ZNRF2: variants seen among roughly 807,000 people sequenced by gnomAD.
ZNRF2 encodes zinc and ring finger 2.
ZNRF2 carries 16 observed loss-of-function variants against 20.4 expected under a neutral mutation model. That is an observed-to-expected ratio of 0.79 (90% CI 0.53 to 1.19). ZNRF2 has a LOEUF of 1.19. Ranked by LOEUF, ZNRF2 falls within the 50% of genes most tolerant of loss-of-function variation. ZNRF2 has a pLI of 0.00. For synonymous variants in ZNRF2, 178 were observed against 144.9 expected, an observed-to-expected ratio of 1.23 and a Z score of -1.64; for missense variants, 363 against 332.4, an observed-to-expected ratio of 1.09 and a Z score of -0.72.
intron 3 of ZNRF2, among the ~76,000 whole-genome samples, chr7:30,361,524 G>A (rs571215048): frequency 6.6e-6 from 1 of 152,168 alleles, no homozygotes; most frequent in African/African-American, 2.4e-5. Context: ...AATCCTGCTT[G>A]GATAACTTGC....
chr7:30,363,058 TGGC>T (rs1334663899), intron 4 of ZNRF2, among the ~76,000 whole-genome samples: 1 of 151,982 alleles, frequency 6.6e-6, no homozygotes, highest in Admixed American at 6.6e-5. Flanking sequence ...GAGGTGGAGT[TGGC>T]GGTGAGCTGA....
intron 3 of ZNRF2, among the ~76,000 whole-genome samples, chr7:30,356,530 A>G (rs987124175): frequency 3.3e-5 from 5 of 152,194 alleles, no homozygotes; most frequent in Non-Finnish European, 5.9e-5. Context: ...ACATTTGAAC[A>G]TAAGTATACA....
intron 2 of ZNRF2, among the ~76,000 whole-genome samples, chr7:30,340,800 A>G (rs181939301): frequency 1.3e-5 from 2 of 152,216 alleles, no homozygotes; most frequent in East Asian, 3.9e-4. Context: ...TGTTTGGAAT[A>G]GTTTCAGAAG....
In ZNRF2 at chr7:30,295,015, G is replaced by GAC. The variant is rs1562603624; in HGVS notation, c.469+9190_469+9191insCA. Among the ~76,000 whole-genome samples the GAC allele has an allele frequency of 8.5e-4, 17 of 19,996 alleles. 1 individual carries two copies. The highest frequency in any genetic ancestry group is 2.6e-3 in the Admixed American group (3 of 1,160). 13.1% of individuals were successfully genotyped at this position (19,996 alleles called of 152,430 possible). A position where few individuals can be genotyped will look rare whatever the true frequency, so the allele number is the denominator to read the frequency against. On this transcript the variant is annotated intron_variant, in intron 1 of 4. Transcript: ENST00000323037. ...GGACAGAGAGAGAGAGGGAGGGAAG[G>GAC]AGAGAGAGAGAGAGAGAGAGAGAGA...
intron 3 of ZNRF2, among the ~76,000 whole-genome samples, chr7:30,356,664 A>G (rs566776692): frequency 6.6e-6 from 1 of 152,046 alleles, no homozygotes; most frequent in South Asian, 2.1e-4. Flanking sequence ...TAGGGATAGA[A>G]TTCCTATAGA....
intron 1 of ZNRF2, among the ~76,000 whole-genome samples, chr7:30,299,119 T>A (rs55818431): frequency 0.011 from 1,749 of 152,224 alleles, 31 homozygotes; most frequent in African/African-American, 0.039. Flanking sequence ...AAATAATAAT[T>A]CACTCCTATA....
At chr7:30,331,031 C>A (rs1305067545) in intron 2 of ZNRF2, among the ~76,000 whole-genome samples, 1 of 152,154 alleles carries the variant, frequency 6.6e-6, no homozygotes, top group Non-Finnish European at 1.5e-5. Context: ...ATACTACAAA[C>A]TGACTGTTCT....
At chr7:30,352,511 A>G (rs965486154) in intron 2 of ZNRF2, among the ~76,000 whole-genome samples, 2 of 152,092 alleles carry the variant, frequency 1.3e-5, no homozygotes, top group Admixed American at 6.5e-5. Context: ...CTGATAAGCA[A>G]TGCGCTCATT....
At chr7:30,339,482 A>C (rs896071507) in intron 2 of ZNRF2, among the ~76,000 whole-genome samples, 4 of 152,332 alleles carry the variant, frequency 2.6e-5, no homozygotes, top group African/African-American at 9.6e-5. Flanking sequence ...ACTTTTCTGC[A>C]TATGGCTAGC....
Position 30,284,641 on chromosome 7 carries a change from CCTTCCGGCGCGGG to C in ZNRF2, c.-716_-704del, listed in dbSNP as rs1185382431. On this transcript the variant is annotated 5_prime_UTR_variant, in exon 1 of 5. Coordinates refer to ENST00000323037, the MANE Select transcript of ZNRF2 (RefSeq NM_147128.4). ...ACCCTGCAGCCGCGCCGCTCCGCGG[CCTTCCGGCGCGGG>C]GCCGGGGAACCTCCTCCCCATCTGC... 6.5e-6 allele frequency: 1 copy of C among 153,438 alleles called. No individual in the cohort carries two copies. The highest frequency in any genetic ancestry group is 1.5e-5 in the Non-Finnish European group (1 of 68,606). 9.5% of individuals were successfully genotyped at this position (153,438 alleles called of 1,614,324 possible).
chr7:30,348,790 A>G (rs578130081), intron 2 of ZNRF2, among the ~76,000 whole-genome samples: 1 of 152,326 alleles, frequency 6.6e-6, no homozygotes, highest in East Asian at 1.9e-4. Flanking sequence ...AAAATAGTTA[A>G]GATGAGCTGC....
At chr7:30,318,941 A>G (rs753452017) in intron 1 of ZNRF2, among the ~76,000 whole-genome samples, 1 of 152,026 alleles carries the variant, frequency 6.6e-6, no homozygotes, top group Non-Finnish European at 1.5e-5. Context: ...GCAAAACCCC[A>G]TCTCTACTAA....
At chr7:30,322,123 C>T (rs1019071776) in intron 1 of ZNRF2, among the ~76,000 whole-genome samples, 6 of 152,114 alleles carry the variant, frequency 3.9e-5, no homozygotes, top group African/African-American at 1.4e-4. Flanking sequence ...AATCCTCCTT[C>T]CTGTTTTTTT....
chr7:30,341,772 C>A (rs1799798749), intron 2 of ZNRF2, among the ~76,000 whole-genome samples: 1 of 152,030 alleles, frequency 6.6e-6, no homozygotes, highest in Non-Finnish European at 1.5e-5. Flanking sequence ...TCCTGAATAT[C>A]CTTGTTAATT....
chr7:30,295,078 T>A lies in ZNRF2; in HGVS notation c.469+9252T>A, dbSNP rs1470303346. ...GTGTGTGTGTGTGTGTGTGTGTGTG[T>A]GTGTGTGTGTGTGTGTGTGTGTGAT... On this transcript the variant is annotated intron_variant, in intron 1 of 4. Transcript: ENST00000323037. Among the ~76,000 whole-genome samples the A allele has an allele frequency of 6.1e-4, 88 of 145,298 alleles. 3 individuals are homozygous for A. The highest frequency in any genetic ancestry group is 1.6e-3 in the African/African-American group (59 of 36,992).
intron 1 of ZNRF2, among the ~76,000 whole-genome samples, chr7:30,295,042 AGAGAGAGAGTGTGTGTGT>A (rs1798990377): frequency 4.3e-5 from 5 of 115,050 alleles, no homozygotes; most frequent in South Asian, 3.0e-4. Context: ...AGAGAGAGAG[AGAGAGAGAGTGTGTGTGT>A]GTGTGTGTGT....
chr7:30,311,818 A>T (rs530764293), intron 1 of ZNRF2, among the ~76,000 whole-genome samples: 3 of 152,308 alleles, frequency 2.0e-5, no homozygotes, highest in Non-Finnish European at 4.4e-5. Flanking sequence ...TTATCTACGT[A>T]AACGTTACTG....
At chr7:30,362,038 G>A (rs1341449864) in intron 3 of ZNRF2, among the ~76,000 whole-genome samples, 1 of 152,254 alleles carries the variant, frequency 6.6e-6, no homozygotes, top group East Asian at 1.9e-4. Flanking sequence ...GGTTGATAAT[G>A]TGCATAAATG....
intron 1 of ZNRF2, among the ~76,000 whole-genome samples, chr7:30,310,164 T>A (rs961251587): frequency 3.3e-5 from 5 of 152,194 alleles, no homozygotes; most frequent in African/African-American, 1.2e-4. Flanking sequence ...ACCAGGTGGG[T>A]GATGGCTTGA....
Sources: gnomAD v4.1 joint callset for allele counts (sites outside exome capture counted in the v4.1 genomes callset) on GRCh38, gnomAD v4.1.1 for gene constraint, MANE v1.5 for transcripts, NCBI Gene and HGNC (gene_info 2026-07-23, HGNC 2026-07-21) for gene names.